SNX1: variants seen among roughly 807,000 people sequenced by gnomAD.
The protein encoded by SNX1 is sorting nexin 1, also known as sorting nexin-1.
Under a neutral mutation model 71.8 loss-of-function variants are expected in SNX1, and 36 were observed. The observed-to-expected ratio is 0.50, with a 90% confidence interval of 0.38 to 0.66. The LOEUF (loss-of-function observed/expected upper bound fraction) is 0.66. Among genes scored for constraint, SNX1 ranks in the 30% least tolerant of loss-of-function variants. SNX1 has a pLI of 0.00. For missense variants in SNX1, 612 were observed against 646.7 expected (o/e 0.95, Z 0.58); for synonymous variants, 254 against 240.7 (o/e 1.06, Z -0.51).
intron 1 of SNX1, among the ~76,000 whole-genome samples, chr15:64,111,132 T>TG (rs1470973798): frequency 6.6e-6 from 1 of 152,232 alleles, no homozygotes; most frequent in Non-Finnish European, 1.5e-5. Context: ...ATCTATGTAC[T>TG]GTACAAGAGT....
intron 12 of SNX1, 128 bp from the exon 13 acceptor site, chr15:64,136,202 C>T (rs1264150728): frequency 5.5e-6 from 4 of 730,284 alleles, no homozygotes; most frequent in Non-Finnish European, 4.8e-6. Flanking sequence ...GACACCTCAT[C>T]TTACCCACAG....
At chr15:64,136,780 C>A in intron 13 of SNX1, 81 bp from the exon 14 acceptor site, 1 of 1,023,872 alleles carries the variant, frequency 9.8e-7, no homozygotes, top group Non-Finnish European at 1.5e-6. Flanking sequence ...CTGTGTTTGG[C>A]CTTGGTCAGC....
In SNX1 at chr15:64,109,384, G is replaced by A. The variant is rs73448920; in HGVS notation, c.160-3189G>A. ...AAAGAAAAATGCACACCTAAGTAAT[G>A]CCAACTTAGCATAGAAAAATAGGTG... On this transcript the variant is annotated intron_variant, in intron 1 of 14. Coordinates refer to ENST00000559844, the MANE Select transcript of SNX1 (RefSeq NM_003099.5). Among the ~76,000 whole-genome samples, 515 of 152,200 alleles carry A rather than the reference G, an allele frequency of 3.4e-3. 1 individual carries two copies. The highest frequency in any genetic ancestry group is 0.012 in the African/African-American group (497 of 41,514).
rs201234536 is a variant in SNX1, at chr15:64,096,059, C to T, written c.46C>T (p.Pro16Ser). 35 of 1,586,830 alleles carry T rather than the reference C, an allele frequency of 2.2e-5. No homozygotes were observed. Among genetic ancestry groups the T allele is most frequent in the Non-Finnish European group, 1.6e-5 (19 of 1,170,416 alleles). Reference sequence around the variant, plus strand: ...CTGTAGCGCTTCGGAGAGACTGCCTCCGCCCTTCCCCGGCCTGGAGCCGGA... The same window carrying T: ...CTGTAGCGCTTCGGAGAGACTGCCTTCGCCCTTCCCCGGCCTGGAGCCGGA... ...GGCSASERLP[P>S]PFPGLEPESE... Residue 16 changes from proline (P) to serine (S), a missense_variant, in exon 1 of 15, where the codon CCG becomes TCG. Coordinates refer to ENST00000559844, the MANE Select transcript of SNX1 (RefSeq NM_003099.5).
intron 1 of SNX1, among the ~76,000 whole-genome samples, chr15:64,100,691 GAGTTATGTA>G (rs1451803347): frequency 1.3e-5 from 2 of 151,626 alleles, no homozygotes; most frequent in Non-Finnish European, 2.9e-5. Context: ...ATAGTTTAGA[GAGTTATGTA>G]AGTTATGTAT....
At position 64,113,815 on chromosome 15, in the gene SNX1, C is replaced by T. The variant is rs2081101760; in HGVS notation, c.271+1131C>T. The stretch of plus-strand genomic sequence containing the variant: ...CAGCCTGGGTGACAGAGCAAGACTC[C>T]ATCTCAAAATAAAGAAAGAAAGAAA... On this transcript the variant is annotated intron_variant, in intron 2 of 14. Coordinates refer to ENST00000559844, the MANE Select transcript of SNX1 (RefSeq NM_003099.5). 3.5e-5 allele frequency among the ~76,000 whole-genome samples: 5 copies of T among 142,758 alleles called. No individual in the cohort carries two copies. The Admixed American group carries it at 3.7e-4, about 11-fold the overall frequency. 93.7% of individuals were successfully genotyped at this position (142,758 alleles called of 152,430 possible). A position where few individuals can be genotyped will look rare whatever the true frequency, so the allele number is the denominator to read the frequency against.
At chr15:64,109,134 G>T (rs918457323) in intron 1 of SNX1, among the ~76,000 whole-genome samples, 1 of 152,148 alleles carries the variant, frequency 6.6e-6, no homozygotes, top group East Asian at 1.9e-4. Context: ...ACTTTGGGAG[G>T]CCATGGTGGG....
chr15:64,130,192 G>C (rs1261952693), intron 9 of SNX1, 36 bp from the exon 10 acceptor site: 2 of 1,583,712 alleles, frequency 1.3e-6, no homozygotes, highest in East Asian at 2.2e-5. Context: ...ACCCATAAAA[G>C]TAATCTCATT....
chr15:64,131,425 A>G (rs557559164), intron 10 of SNX1, among the ~76,000 whole-genome samples: 2 of 152,272 alleles, frequency 1.3e-5, no homozygotes, highest in African/African-American at 4.8e-5. Flanking sequence ...CTCCAGGGAT[A>G]TTGGAGCTGC....
chr15:64,114,606 T>C (rs936493576), intron 2 of SNX1, among the ~76,000 whole-genome samples: 1 of 152,160 alleles, frequency 6.6e-6, no homozygotes, highest in African/African-American at 2.4e-5. Context: ...GAGGTGGTAG[T>C]TGAAACTTCC....
chr15:64,099,033 G>A (rs1338909500), intron 1 of SNX1, among the ~76,000 whole-genome samples: 1 of 152,192 alleles, frequency 6.6e-6, no homozygotes, highest in Non-Finnish European at 1.5e-5. Flanking sequence ...TTGTTAAACA[G>A]CCATAAAGAA....
intron 2 of SNX1, among the ~76,000 whole-genome samples, chr15:64,113,413 GTGGGTAGAGGCCA>G (rs966082152): frequency 6.6e-6 from 1 of 152,160 alleles, no homozygotes; most frequent in Non-Finnish European, 1.5e-5. Flanking sequence ...CTGTTATCTA[GTGGGTAGAGGCCA>G]TGGATGCTGC....
rs1482429101 is a variant in SNX1 at position 64,134,833 on chromosome 15, AG to A, written c.1365+30del. 2.5e-6 allele frequency: 4 copies of A among 1,612,710 alleles called. No homozygotes were observed. The Admixed American group carries it at 6.7e-5, about 27-fold the overall frequency. Reference sequence around the variant, plus strand: ...GTGAGTCCACTGAGGCAGCCCAGCCAGGGGTGTTCTGCTGGTTCCAAATGAA... The same window carrying A: ...GTGAGTCCACTGAGGCAGCCCAGCCAGGGTGTTCTGCTGGTTCCAAATGAA... On this transcript the variant is annotated intron_variant, in intron 12 of 14. Coordinates refer to ENST00000559844, the MANE Select transcript of SNX1 (RefSeq NM_003099.5). This position sits in a 1 kb window ranked among gnomAD's most constrained non-coding sequence, Gnocchi z 4.1.
chr15:64,133,883 G>A (rs2081331894), intron 11 of SNX1, among the ~76,000 whole-genome samples: 1 of 152,220 alleles, frequency 6.6e-6, no homozygotes, highest in Non-Finnish European at 1.5e-5. Flanking sequence ...AGTCAGGCCA[G>A]CAGCTTCCTT....
Position 64,134,629 on chromosome 15 carries a change from G to A in SNX1, c.1222-35G>A, listed in dbSNP as rs1326499962. The stretch of plus-strand genomic sequence containing the variant: ...GCAGAGCCAGCAGAGCTCTTGAAGA[G>A]CTGGTTGTGCTCCTCCTCAACCCCA... On this transcript the variant is annotated intron_variant, in intron 11 of 14. Transcript: ENST00000559844. This position sits in a 1 kb window ranked among gnomAD's most constrained non-coding sequence, Gnocchi z 4.1. 2 of 1,588,822 alleles carry A rather than the reference G, an allele frequency of 1.3e-6. No individual in the cohort carries two copies. Among genetic ancestry groups the A allele is most frequent in the Admixed American group, 1.7e-5 (1 of 58,728 alleles).
At chr15:64,105,218 CA>C (rs5813278) in intron 1 of SNX1, among the ~76,000 whole-genome samples, 43 of 141,776 alleles carry the variant, frequency 3.0e-4, no homozygotes, top group Admixed American at 6.3e-4. Context: ...GACTCTGTCT[CA>C]AAAAAAAAAA....
chr15:64,111,159 G>A (rs2081074287), intron 1 of SNX1, among the ~76,000 whole-genome samples: 1 of 152,228 alleles, frequency 6.6e-6, no homozygotes. Flanking sequence ...AGGAAGTAGT[G>A]TGGAAGAAGG....
rs779262096 is a variant in SNX1, at chr15:64,134,745, G to T, written c.1303G>T (p.Ala435Ser). 6.2e-7 allele frequency: 1 copy of T among 1,613,972 alleles called. No homozygotes were observed. The highest frequency in any genetic ancestry group is 2.2e-5 in the East Asian group (1 of 44,886). The change falls in exon 12 of 15, where the codon GCT becomes TCT. Residue 435 changes from alanine (A) to serine (S), a missense_variant. Transcript: ENST00000559844. The surrounding 1 kb of genome is among the most constrained non-coding windows in gnomAD (Gnocchi z 4.1). The part of the protein sequence containing the change: ...ATLQKKREAE[A>S]RLLWANKPDK... ...ACTGCAGAAGAAGCGGGAGGCCGAG[G>T]CTCGGCTGCTGTGGGCCAACAAGCC...
chr15:64,097,566 C>G (rs559840175), intron 1 of SNX1, among the ~76,000 whole-genome samples: 1 of 152,290 alleles, frequency 6.6e-6, no homozygotes, highest in African/African-American at 2.4e-5. Flanking sequence ...ACCCTATTCT[C>G]CTGCCTCAGT....
Sources: gnomAD v4.1 joint callset for allele counts (sites outside exome capture counted in the v4.1 genomes callset) on GRCh38, gnomAD v4.1.1 for gene constraint, Gnocchi (gnomAD v3.1) non-coding constraint, MANE v1.5 for transcripts, NCBI Gene and HGNC (gene_info 2026-07-23, HGNC 2026-07-21) for gene names.